The following PCDHGA10 variants were observed in gnomAD, a reference collection of about 807,000 sequenced individuals.
PCDHGA10 encodes the protein protocadherin gamma-A10.
PCDHGA10 carries 42 observed loss-of-function variants against 59.5 expected under a neutral mutation model. The ratio of observed to expected loss-of-function variants is 0.71; its 90% CI spans 0.55 to 0.91. The LOEUF (loss-of-function observed/expected upper bound fraction) is 0.91, where lower values mean the gene tolerates loss of function less well. Among genes scored for constraint, PCDHGA10 ranks in the 40% least tolerant of loss-of-function variants. The pLI, the probability that PCDHGA10 is intolerant of heterozygous loss-of-function variation, is 0.00. For synonymous variants in PCDHGA10, 511 were observed against 517.2 expected (o/e 0.99, Z 0.16); for missense variants, 1,111 against 1,198.2 (o/e 0.93, Z 1.07).
intron 1 of PCDHGA10, chr5:141,423,620 C>G: frequency 6.2e-7 from 1 of 1,608,268 alleles, no homozygotes; most frequent in Non-Finnish European, 8.5e-7. Flanking sequence ...GCTGAAGACT[C>G]AGCTATCATT....
At chr5:141,422,280 C>G (rs748287385) in intron 1 of PCDHGA10, 9 of 1,557,754 alleles carry the variant, frequency 5.8e-6, no homozygotes, top group Non-Finnish European at 7.8e-6. Flanking sequence ...TAACTATCAC[C>G]TCTTCTATTA....
intron 1 of PCDHGA10, among the ~76,000 whole-genome samples, chr5:141,449,525 G>T (rs2098641561): frequency 6.7e-6 from 1 of 148,580 alleles, no homozygotes; most frequent in South Asian, 2.1e-4. Flanking sequence ...GGAGGCGGAG[G>T]TTGCAGTGAG....
chr5:141,457,417 CT>C lies in PCDHGA10; in HGVS notation c.2437-37385del, dbSNP rs894846890. On this transcript the variant is annotated intron_variant, in intron 1 of 3. Transcript: ENST00000398610. ...ATTCACATTTTCACATTACCCATCC[CT>C]TTTTCCCCCCCACCAAGCTGCAGAA... Among the ~76,000 whole-genome samples, 3 of 152,296 alleles carry C rather than the reference CT, an allele frequency of 2.0e-5. No individual in the cohort carries two copies. In the South Asian group the frequency reaches 6.2e-4, roughly 32 times the overall value.
chr5:141,427,890 G>T lies in PCDHGA10; in HGVS notation c.2436+12279G>T, dbSNP rs1438515062. 1.9e-6 allele frequency: 3 copies of T among 1,566,844 alleles called. No homozygotes were observed. In the South Asian group the frequency reaches 3.3e-5, roughly 17 times the overall value. Reference sequence around the variant, plus strand: ...GCTCACGATGCAGGCCCACGACCAGGGCTCGCCCGCGCTCAGCGCCAACAT... The same window carrying T: ...GCTCACGATGCAGGCCCACGACCAGTGCTCGCCCGCGCTCAGCGCCAACAT... On this transcript the variant is annotated intron_variant, in intron 1 of 3. Transcript: ENST00000398610.
chr5:141,484,709 C>G (rs1223957454), intron 1 of PCDHGA10, among the ~76,000 whole-genome samples: 1 of 151,072 alleles, frequency 6.6e-6, no homozygotes, highest in Non-Finnish European at 1.5e-5. Context: ...TTTTCCCCGC[C>G]GAAAAGGGGC....
Position 141,433,407 on chromosome 5 carries a change from T to C in PCDHGA10, c.2436+17796T>C, listed in dbSNP as rs939103465. Among the ~76,000 whole-genome samples, 537 of 125,956 alleles carry C rather than the reference T, an allele frequency of 4.3e-3. 4 individuals carry two copies. Among genetic ancestry groups the C allele is most frequent in the African/African-American group, 0.016 (523 of 33,156 alleles). The allele number at this position is 125,956 out of a possible 152,430, so 82.6% of individuals were successfully genotyped here. On this transcript the variant is annotated intron_variant, in intron 1 of 3. Coordinates refer to ENST00000398610, the MANE Select transcript of PCDHGA10 (RefSeq NM_018913.3). ...TCTATCTATCTATCTATCTATCTATTACTTTCTTGTACAGACAGGAGTCTC... is the reference window on the plus strand; with the variant it reads ...TCTATCTATCTATCTATCTATCTATCACTTTCTTGTACAGACAGGAGTCTC...
chr5:141,414,668 A>C lies in PCDHGA10; in HGVS notation c.1493A>C (p.Asp498Ala). 1 of 1,613,856 alleles carries C rather than the reference A, an allele frequency of 6.2e-7. No individual in the cohort carries two copies. The highest frequency in any genetic ancestry group is 2.2e-5 in the East Asian group (1 of 44,892). Residue 498 changes from aspartate to alanine, a missense_variant, in exon 1 of 4, where the codon GAC (aspartate) becomes GCC (alanine). Transcript: ENST00000398610. Reference sequence around the variant, plus strand: ...CAGATTATTTACTCCCTGGCTGAAGACACCATCCAGGGGGTACCTCTGTCC... The same window carrying C: ...CAGATTATTTACTCCCTGGCTGAAGCCACCATCCAGGGGGTACCTCTGTCC... ...NAQIIYSLAE[D>A]TIQGVPLSSY...
At chr5:141,426,955 C>T (rs1380917458) in intron 1 of PCDHGA10, 3 of 456,658 alleles carry the variant, frequency 6.6e-6, no homozygotes, top group South Asian at 1.5e-5. Flanking sequence ...ACTGGCACTG[C>T]TGCAATTCAA....
chr5:141,487,831 A>T lies in PCDHGA10; in HGVS notation c.2437-6976A>T. 2 of 1,144,322 alleles carry T rather than the reference A, an allele frequency of 1.7e-6. No individual in the cohort carries two copies. Among genetic ancestry groups the T allele is most frequent in the Non-Finnish European group, 2.4e-6 (2 of 818,294 alleles). 70.9% of individuals were successfully genotyped at this position (1,144,322 alleles called of 1,614,324 possible). ...TTAGCATTGGGGGCGGGTCATGCCT[A>T]TATCTGAGTAAGAAATGAAAGTAAT... On this transcript the variant is annotated intron_variant, in intron 1 of 3. Transcript: ENST00000398610. The surrounding 1 kb of genome is among the most constrained non-coding windows in gnomAD (Gnocchi z 5.0).
At position 141,489,180 on chromosome 5, in the gene PCDHGA10, C is replaced by G. The variant is rs942218118; in HGVS notation, c.2437-5627C>G. On this transcript the variant is annotated intron_variant, in intron 1 of 3. Transcript: ENST00000398610. This position sits in a 1 kb window ranked among gnomAD's most constrained non-coding sequence, Gnocchi z 4.5. ...GACTTCAGCTGCTGCATTCCAAGCC[C>G]TGGGTCTACCTTGGAGACAGGACAG... The G allele has an allele frequency of 1.8e-5, 23 of 1,259,630 alleles. No homozygotes were observed. In the South Asian group the frequency reaches 3.0e-4, roughly 17 times the overall value. The allele number at this position is 1,259,630 out of a possible 1,614,324, so 78.0% of individuals were successfully genotyped here.
intron 1 of PCDHGA10, among the ~76,000 whole-genome samples, chr5:141,437,668 G>T (rs72790049): frequency 3.1e-4 from 47 of 151,868 alleles, no homozygotes; most frequent in Non-Finnish European, 6.0e-4. Context: ...TCGAAGAGAT[G>T]TTGATCAAAC....
chr5:141,510,895 CTGT>C, intron 3 of PCDHGA10, 49 bp from the exon 4 acceptor site: 1 of 1,612,988 alleles, frequency 6.2e-7, no homozygotes, highest in Non-Finnish European at 8.5e-7. Flanking sequence ...AAGACAGTGA[CTGT>C]TGAGGACCCT....
chr5:141,507,151 G>C (rs1423834553), intron 3 of PCDHGA10: 2 of 152,192 alleles, frequency 1.3e-5, no homozygotes, highest in African/African-American at 4.8e-5. Context: ...TATTACCTGA[G>C]CAGGATGAGA....
At chr5:141,427,573 T>C in intron 1 of PCDHGA10, 1 of 667,160 alleles carries the variant, frequency 1.5e-6, no homozygotes, top group Non-Finnish European at 2.8e-6. Context: ...AAGCCTCCGC[T>C]CTCATCCAGC....
chr5:141,433,623 G>A (rs2097635547), intron 1 of PCDHGA10, among the ~76,000 whole-genome samples: 1 of 152,070 alleles, frequency 6.6e-6, no homozygotes, highest in African/African-American at 2.4e-5. Flanking sequence ...ATCACCTGAG[G>A]TTGGGAGTTT....
Position 141,486,791 on chromosome 5 carries a change from C to G in PCDHGA10, c.2437-8016C>G. On this transcript the variant is annotated intron_variant, in intron 1 of 3. Coordinates refer to ENST00000398610, the MANE Select transcript of PCDHGA10 (RefSeq NM_018913.3). The surrounding 1 kb of genome is among the most constrained non-coding windows in gnomAD (Gnocchi z 5.0). ...GCAGTTTGAGGTGCAGGCCCGGGAT[C>G]GGGGCAACCCACCCCTTAGCAGCAC... The G allele has an allele frequency of 1.9e-6, 3 of 1,614,224 alleles. No individual in the cohort carries two copies. The highest frequency in any genetic ancestry group is 2.5e-6 in the Non-Finnish European group (3 of 1,180,046).
chr5:141,501,447 A>G (rs1483189279), intron 2 of PCDHGA10, among the ~76,000 whole-genome samples: 1 of 151,816 alleles, frequency 6.6e-6, no homozygotes, highest in Middle Eastern at 3.2e-3. Flanking sequence ...TTCCATTTTT[A>G]CTTTTCACTA....
chr5:141,481,913 C>CAAAAAAAAAAAAA (rs34114744), intron 1 of PCDHGA10, among the ~76,000 whole-genome samples: 1 of 90,852 alleles, frequency 1.1e-5, no homozygotes. Flanking sequence ...AACTCCATCT[C>CAAAAAAAAAAAAA]AAAAAAAAAA....
chr5:141,459,687 G>A (rs191874235), intron 1 of PCDHGA10, among the ~76,000 whole-genome samples: 15 of 152,278 alleles, frequency 9.9e-5, no homozygotes, highest in Admixed American at 2.0e-4. Context: ...TGCATAAAGC[G>A]TTCCGCTTGC....
Sources: allele counts gnomAD v4.1 joint callset (sites outside exome capture counted in the v4.1 genomes callset), GRCh38; gene constraint gnomAD v4.1.1; non-coding constraint Gnocchi (gnomAD v3.1); transcripts MANE v1.5; gene names NCBI Gene and HGNC (gene_info 2026-07-23, HGNC 2026-07-21).